The following MUC15 variants were observed in gnomAD, a reference collection of about 807,000 sequenced individuals.
The protein encoded by MUC15 is mucin 15, cell surface associated, also known as mucin-15.
Under a neutral mutation model 24.0 loss-of-function variants are expected in MUC15, and 23 were observed. The observed-to-expected ratio is 0.96, with a 90% CI of 0.69 to 1.36. The LOEUF (loss-of-function observed/expected upper bound fraction) is 1.36. Ranked by LOEUF, MUC15 falls within the 40% of genes most tolerant of loss-of-function variation. The probability of loss-of-function intolerance (pLI) is 0.00; values close to 1 mark genes in which losing one functional copy is unlikely to be tolerated. For synonymous variants in MUC15, 151 were observed against 156.3 expected (o/e 0.97, Z 0.25); for missense variants, 442 against 428.2 (o/e 1.03, Z -0.29).
intron 1 of MUC15, among the ~76,000 whole-genome samples, chr11:26,569,997 G>A (rs1391952676): frequency 6.6e-6 from 1 of 151,928 alleles, no homozygotes; most frequent in African/African-American, 2.4e-5. Flanking sequence ...ATAAAATAGA[G>A]GTTTAGGATC....
At chr11:26,566,071 A>T (rs1046549902) in intron 2 of MUC15, among the ~76,000 whole-genome samples, 175 bp from the exon 3 acceptor site, 4 of 151,924 alleles carry the variant, frequency 2.6e-5, no homozygotes, top group Admixed American at 2.6e-4. Context: ...GCCATTGAGT[A>T]CTGCTTTCCA....
At chr11:26,566,102 T>G (rs1464011095) in intron 2 of MUC15, among the ~76,000 whole-genome samples, 1 of 151,924 alleles carries the variant, frequency 6.6e-6, no homozygotes, top group African/African-American at 2.4e-5. Context: ...CTTCCTTCCT[T>G]GCTTCTAGGG....
intron 1 of MUC15, among the ~76,000 whole-genome samples, chr11:26,570,908 C>A (rs1213556337): frequency 2.6e-5 from 4 of 151,882 alleles, no homozygotes; most frequent in Non-Finnish European, 4.4e-5. Flanking sequence ...GGAAGCGTAA[C>A]CAACTAGAAA....
At position 26,561,141 on chromosome 11, in the gene MUC15, G is replaced by A; in HGVS notation, c.1010C>T (p.Ala337Val). 1 of 1,612,582 alleles carries A rather than the reference G, an allele frequency of 6.2e-7. No individual in the cohort carries two copies. The highest frequency in any genetic ancestry group is 8.5e-7 in the Non-Finnish European group (1 of 1,179,150). ...TGCATTTTCTTCACTTTCTGGCATG[G>A]CTGAATCATTCAAAGTTGGATTGTA... ...SYYNPTLNDSAMPESEENARD... is the reference protein window; with the variant it reads ...SYYNPTLNDSVMPESEENARD... Residue 337 changes from alanine to valine, a missense_variant, in exon 5 of 5, where the codon GCC (alanine) becomes GTC (valine). Coordinates refer to ENST00000529533, the MANE Select transcript of MUC15 (RefSeq NM_001135091.2).
At chr11:26,565,062 C>T in intron 3 of MUC15, 103 bp downstream of exon 3, 3 of 1,164,750 alleles carry the variant, frequency 2.6e-6, no homozygotes, top group Non-Finnish European at 3.5e-6. Flanking sequence ...CTATTGTGTT[C>T]TCTTCTGTTT....
chr11:26,572,247 T>G lies in MUC15; in HGVS notation c.-252A>C. The G allele has an allele frequency of 1.0e-6, 1 of 985,324 alleles. No individual in the cohort carries two copies. The highest frequency in any genetic ancestry group is 4.7e-5 in the South Asian group (1 of 21,280). 61.0% of individuals were successfully genotyped at this position (985,324 alleles called of 1,614,324 possible). ...CGCCCAGGAACCTGACTGACCTGCTTCTCAGCTGTAAGCATTAAGATATCA... is the reference window on the plus strand; with the variant it reads ...CGCCCAGGAACCTGACTGACCTGCTGCTCAGCTGTAAGCATTAAGATATCA... On this transcript the variant is annotated 5_prime_UTR_variant, in exon 1 of 5. Transcript: ENST00000529533.
chr11:26,567,887 G>C (rs1850657132), intron 1 of MUC15, among the ~76,000 whole-genome samples: 1 of 151,938 alleles, frequency 6.6e-6, no homozygotes, highest in Admixed American at 6.6e-5. Context: ...TGCACTGCTT[G>C]AAACACCAGT....
chr11:26,564,173 T>C (rs1028383841), intron 3 of MUC15, among the ~76,000 whole-genome samples: 4 of 151,732 alleles, frequency 2.6e-5, no homozygotes, highest in African/African-American at 9.7e-5. Flanking sequence ...TCTCAATATG[T>C]ATATTAGGTT....
rs1410257883 is a variant in MUC15 at position 26,561,001 on chromosome 11, T to A, written c.*64A>T. 12 of 1,485,494 alleles carry A rather than the reference T, an allele frequency of 8.1e-6. No homozygotes were observed. Among genetic ancestry groups the A allele is most frequent in the Non-Finnish European group, 1.1e-5 (12 of 1,096,500 alleles). 92.0% of individuals were successfully genotyped at this position (1,485,494 alleles called of 1,614,324 possible). ...TAATTTTGTGTAACCTTTTGAAAGATGAATTTGTCAAAAGGCTAGGATGTA... is the reference window on the plus strand; with the variant it reads ...TAATTTTGTGTAACCTTTTGAAAGAAGAATTTGTCAAAAGGCTAGGATGTA... On this transcript the variant is annotated 3_prime_UTR_variant, in exon 5 of 5. Coordinates refer to ENST00000529533, the MANE Select transcript of MUC15 (RefSeq NM_001135091.2).
intron 2 of MUC15, 30 bp from the exon 3 acceptor site, chr11:26,565,926 C>A: frequency 6.6e-7 from 1 of 1,520,710 alleles, no homozygotes; most frequent in Non-Finnish European, 8.8e-7. Flanking sequence ...ATTTGAATTC[C>A]TTAAATAAAA....
intron 4 of MUC15, among the ~76,000 whole-genome samples, chr11:26,561,646 C>T: frequency 6.6e-6 from 1 of 151,502 alleles, no homozygotes; most frequent in Admixed American, 6.6e-5. Flanking sequence ...ATTATTTTAC[C>T]AAATATCACA....
At chr11:26,567,206 T>C in intron 1 of MUC15, 67 bp from the exon 2 acceptor site, 4 of 1,009,614 alleles carry the variant, frequency 4.0e-6, no homozygotes, top group Non-Finnish European at 5.2e-6. Context: ...GAGGCTAAAA[T>C]TTGCAGTGCT....
Position 26,565,609 on chromosome 11 carries a change from T to C in MUC15, c.331A>G (p.Ile111Val), listed in dbSNP as rs1383068349. ...GATGAGTTACTGGAGAAATCTGTTA[T>C]TCCGTGGCTGTTGTTGGGTAGATTC... ...PLNLPNNSHG[I>V]TDFSSNSSAE... Residue 111 changes from isoleucine (I) to valine (V), a missense_variant, in exon 3 of 5, where the codon ATA becomes GTA. Coordinates refer to ENST00000529533, the MANE Select transcript of MUC15 (RefSeq NM_001135091.2). The C allele has an allele frequency of 1.2e-6, 2 of 1,613,178 alleles. No homozygotes were observed. Among genetic ancestry groups the C allele is most frequent in the East Asian group, 2.2e-5 (1 of 44,842 alleles).
intron 2 of MUC15, among the ~76,000 whole-genome samples, chr11:26,566,144 C>T (rs1007071249): frequency 2.2e-4 from 33 of 151,976 alleles, no homozygotes; most frequent in Admixed American, 3.9e-4. Flanking sequence ...TCAAGCCACA[C>T]ACTGCTATTT....
At chr11:26,566,384 C>T (rs546220073) in intron 2 of MUC15, among the ~76,000 whole-genome samples, 1 of 152,022 alleles carries the variant, frequency 6.6e-6, no homozygotes, top group Admixed American at 6.6e-5. Context: ...ACTGACTATA[C>T]ATTAAATGCA....
intron 2 of MUC15, 32 bp downstream of exon 2, chr11:26,567,020 A>C: frequency 6.9e-7 from 1 of 1,444,194 alleles, no homozygotes; most frequent in Non-Finnish European, 9.2e-7. Flanking sequence ...TTTGGTTACA[A>C]AGTTTACAGT....
rs1850547258 is a variant in MUC15 at position 26,565,671 on chromosome 11, G to A, written c.269C>T (p.Thr90Ile). ...ATGACTCGCCTTGAGATTTGAGGTG[G>A]TTATATTTTCTTTATCTGAGTTTAA... ...ANLNSDKENITTSNLKASHSP... is the reference protein window; with the variant it reads ...ANLNSDKENIITSNLKASHSP... The change falls in exon 3 of 5, where the codon ACC (threonine) becomes ATC (isoleucine). Residue 90 changes from threonine (T) to isoleucine (I), a missense_variant. Thr to Ile is a moderately conservative substitution (Grantham distance 89). Coordinates refer to ENST00000529533, the MANE Select transcript of MUC15 (RefSeq NM_001135091.2). 1 of 1,606,662 alleles carries A rather than the reference G, an allele frequency of 6.2e-7. No homozygotes were observed. The highest frequency in any genetic ancestry group is 1.1e-5 in the South Asian group (1 of 90,980).
At position 26,559,787 on chromosome 11, in the gene MUC15, C is replaced by A; in HGVS notation, c.*1278G>T. Reference sequence around the variant, plus strand: ...TTTTTATGGCAATATGGGGTAAGTACTTTCTTCATTACTTTCTATCCCTTA... The same window carrying A: ...TTTTTATGGCAATATGGGGTAAGTAATTTCTTCATTACTTTCTATCCCTTA... On this transcript the variant is annotated 3_prime_UTR_variant, in exon 5 of 5. Transcript: ENST00000529533. 1.3e-6 allele frequency: 2 copies of A among 1,592,004 alleles called. No individual in the cohort carries two copies. Among genetic ancestry groups the A allele is most frequent in the Non-Finnish European group, 1.7e-6 (2 of 1,162,214 alleles).
At chr11:26,566,351 A>C (rs1390971317) in intron 2 of MUC15, among the ~76,000 whole-genome samples, 1 of 152,042 alleles carries the variant, frequency 6.6e-6, no homozygotes, top group Non-Finnish European at 1.5e-5. Context: ...GTCATTTGAA[A>C]TATTTATTAT....
Sources: gnomAD v4.1 joint callset for allele counts (sites outside exome capture counted in the v4.1 genomes callset) on GRCh38, gnomAD v4.1.1 for gene constraint, MANE v1.5 for transcripts, NCBI Gene and HGNC (gene_info 2026-07-23, HGNC 2026-07-21) for gene names.